The following TAF3 variants were observed in gnomAD, a reference collection of about 807,000 sequenced individuals.
TAF3 encodes transcription initiation factor TFIID subunit 3.
Under a neutral mutation model 80.6 loss-of-function variants are expected in TAF3, and 7 were observed. That is an observed-to-expected ratio of 0.09 (90% CI 0.05 to 0.16). The LOEUF (loss-of-function observed/expected upper bound fraction) is 0.16, where lower values mean the gene tolerates loss of function less well. Ranked by LOEUF, TAF3 falls within the 10% of genes least tolerant of loss-of-function variation. The pLI, the probability that TAF3 is intolerant of heterozygous loss-of-function variation, is 1.00. For synonymous variants in TAF3, 444 were observed against 446.1 expected, an observed-to-expected ratio of 1.00 and a Z score of 0.06; for missense variants, 921 against 1,140.2, an observed-to-expected ratio of 0.81 and a Z score of 2.77.
At chr10:7,915,996 A>C (rs932473134) in intron 2 of TAF3, among the ~76,000 whole-genome samples, 20 of 151,852 alleles carry the variant, frequency 1.3e-4, no homozygotes, top group Non-Finnish European at 2.8e-4. Context: ...AAAAAAAAAA[A>C]CCATGTAGTT....
intron 2 of TAF3, among the ~76,000 whole-genome samples, chr10:7,943,502 A>G (rs1040687104): frequency 6.6e-6 from 1 of 152,078 alleles, no homozygotes; most frequent in Non-Finnish European, 1.5e-5. Context: ...ACCTCACACC[A>G]TGCTTCATTG....
intron 2 of TAF3, among the ~76,000 whole-genome samples, chr10:7,876,687 C>T (rs1220807835): frequency 6.6e-6 from 1 of 152,102 alleles, no homozygotes; most frequent in Non-Finnish European, 1.5e-5. Flanking sequence ...CTATATTGTC[C>T]TAAAAGTCAG....
chr10:7,946,841 T>G (rs1360901770), intron 2 of TAF3, among the ~76,000 whole-genome samples: 2 of 152,268 alleles, frequency 1.3e-5, no homozygotes, highest in African/African-American at 4.8e-5. Flanking sequence ...TATAACAACT[T>G]TTTTTGTATA....
In TAF3 at chr10:7,997,757, G is replaced by A. The variant is rs913097399; in HGVS notation, c.2316-11321G>A. On this transcript the variant is annotated intron_variant, in intron 4 of 6. Coordinates refer to ENST00000344293, the MANE Select transcript of TAF3 (RefSeq NM_031923.4). ...GCTTATTCAACAGAAAGCTCTGGACGAGAACTTACTATGCAATTAAACAGG... is the reference window on the plus strand; with the variant it reads ...GCTTATTCAACAGAAAGCTCTGGACAAGAACTTACTATGCAATTAAACAGG... Among the ~76,000 whole-genome samples, 6 of 152,232 alleles carry A rather than the reference G, an allele frequency of 3.9e-5. No homozygotes were observed. In the South Asian group the frequency reaches 1.2e-3, roughly 32 times the overall value.
chr10:7,962,632 C>T (rs900839317), intron 2 of TAF3, among the ~76,000 whole-genome samples: 1 of 152,206 alleles, frequency 6.6e-6, no homozygotes, highest in Non-Finnish European at 1.5e-5. Context: ...TGTCATCTGA[C>T]CCTTTGTCCT....
intron 4 of TAF3, among the ~76,000 whole-genome samples, chr10:8,003,321 T>G (rs1358195279): frequency 6.6e-6 from 1 of 152,200 alleles, no homozygotes; most frequent in African/African-American, 2.4e-5. Context: ...TTACCATACT[T>G]TATTCACTAC....
At chr10:7,970,353 T>C (rs1367958902) in intron 3 of TAF3, among the ~76,000 whole-genome samples, 1 of 152,224 alleles carries the variant, frequency 6.6e-6, no homozygotes, top group Non-Finnish European at 1.5e-5. Context: ...ATGATTTAAT[T>C]CTCCCAACAG....
chr10:8,010,555 AT>A (rs1383312789), intron 5 of TAF3, among the ~76,000 whole-genome samples: 5 of 152,226 alleles, frequency 3.3e-5, no homozygotes, highest in African/African-American at 1.2e-4. Flanking sequence ...GGGCTTGCAT[AT>A]TAAATGGAAA....
intron 2 of TAF3, among the ~76,000 whole-genome samples, chr10:7,850,277 A>G (rs1837014389): frequency 6.6e-6 from 1 of 152,240 alleles, no homozygotes; most frequent in South Asian, 2.1e-4. Context: ...AAAATGCTGC[A>G]TTCATTTTAT....
chr10:7,950,356 C>T (rs901063536), intron 2 of TAF3, among the ~76,000 whole-genome samples: 2 of 152,028 alleles, frequency 1.3e-5, no homozygotes, highest in African/African-American at 4.8e-5. Flanking sequence ...AGGGAAAGAC[C>T]TTGGCACCTT....
intron 2 of TAF3, among the ~76,000 whole-genome samples, chr10:7,832,785 A>G (rs1476116581): frequency 2.0e-5 from 3 of 152,152 alleles, no homozygotes; most frequent in Non-Finnish European, 2.9e-5. Flanking sequence ...CCTGGCCTCA[A>G]GTGATCTGCC....
rs983155829 is a variant in TAF3, at chr10:8,009,199, G to GTGCCGC, written c.2447_2452dup (p.Pro816_Leu817dup). 1.2e-5 allele frequency: 17 copies of GTGCCGC among 1,453,952 alleles called. No individual in the cohort carries two copies. The highest frequency in any genetic ancestry group is 7.5e-5 in the African/African-American group (5 of 66,970). The allele number at this position is 1,453,952 out of a possible 1,614,324, so 90.1% of individuals were successfully genotyped here. A position where few individuals can be genotyped will look rare whatever the true frequency, so the allele number is the denominator to read the frequency against. On this transcript the variant is annotated inframe_insertion, in exon 5 of 7. Transcript: ENST00000344293. This position sits in a 1 kb window ranked among gnomAD's most constrained non-coding sequence, Gnocchi z 4.1. ...CCCCATGCTCGTCAGCCCTGCGCCC[G>GTGCCGC]TGCCGCTGCCGCTGCTCGCCCAGGC... is the stretch of plus-strand genomic sequence containing the variant.
At chr10:7,896,216 T>A (rs1837502933) in intron 2 of TAF3, among the ~76,000 whole-genome samples, 2 of 152,198 alleles carry the variant, frequency 1.3e-5, no homozygotes, top group Non-Finnish European at 2.9e-5. Context: ...AGTTTTCTAA[T>A]AAAATAATAA....
chr10:7,929,642 G>GT (rs1837850063), intron 2 of TAF3, among the ~76,000 whole-genome samples: 2 of 152,138 alleles, frequency 1.3e-5, no homozygotes, highest in African/African-American at 4.8e-5. Context: ...GGGATTGCAC[G>GT]TGTGAGCCAC....
At chr10:7,983,348 TTA>T (rs1831744805) in intron 4 of TAF3, among the ~76,000 whole-genome samples, 1 of 152,192 alleles carries the variant, frequency 6.6e-6, no homozygotes, top group African/African-American at 2.4e-5. Flanking sequence ...CAAAGGCGAT[TTA>T]TATGTTTTAT....
chr10:8,011,219 G>A (rs184743083), intron 5 of TAF3, among the ~76,000 whole-genome samples: 122 of 152,150 alleles, frequency 8.0e-4, no homozygotes, highest in Non-Finnish European at 2.1e-4. Context: ...GGTATTTGTT[G>A]TTATAAACTG....
intron 2 of TAF3, among the ~76,000 whole-genome samples, chr10:7,944,093 T>G (rs1264169738): frequency 1.5e-5 from 2 of 137,094 alleles, no homozygotes; most frequent in Admixed American, 7.3e-5. Context: ...ATGTTCATGC[T>G]TGTGTGTGTG....
rs745710710 is a variant in TAF3, at chr10:7,863,672, CATAT to C, written c.409+39122_409+39125del. 1.5e-3 allele frequency among the ~76,000 whole-genome samples: 63 copies of C among 41,794 alleles called. 3 individuals are homozygous for C. Among genetic ancestry groups the C allele is most frequent in the South Asian group, 6.6e-3 (4 of 608 alleles). The allele number at this position is 41,794 out of a possible 152,430, so 27.4% of individuals were successfully genotyped here. On this transcript the variant is annotated intron_variant, in intron 2 of 6. Coordinates refer to ENST00000344293, the MANE Select transcript of TAF3 (RefSeq NM_031923.4). ...ACACACACACATATATATATACACA[CATAT>C]ATATATATACACACACATATATATA...
At chr10:8,008,347 C>T (rs1387439702) in intron 4 of TAF3, among the ~76,000 whole-genome samples, 15 of 152,112 alleles carry the variant, frequency 9.9e-5, no homozygotes. Context: ...AATCCACCCA[C>T]CTCGGCCTCC....
Sources: allele counts gnomAD v4.1 joint callset (sites outside exome capture counted in the v4.1 genomes callset), GRCh38; gene constraint gnomAD v4.1.1; non-coding constraint Gnocchi (gnomAD v3.1); transcripts MANE v1.5; gene names NCBI Gene and HGNC (gene_info 2026-07-23, HGNC 2026-07-21).